The following EGFR variants were observed in gnomAD, a reference collection of about 807,000 sequenced individuals.
EGFR encodes avian erythroblastic leukemia viral (v-erb-b) oncogene homolog.
Under a neutral mutation model 143.0 loss-of-function variants are expected in EGFR, and 58 were observed. That is an observed-to-expected ratio of 0.41 (90% CI 0.33 to 0.50). The LOEUF (loss-of-function observed/expected upper bound fraction) is 0.50. Ranked by LOEUF, EGFR falls within the 20% of genes least tolerant of loss-of-function variation. The pLI is 0.39. For synonymous variants in EGFR, 613 were observed against 594.4 expected (o/e 1.03, Z -0.45); for missense variants, 1,307 against 1,579.0 (o/e 0.83, Z 2.92).
intron 1 of EGFR, among the ~76,000 whole-genome samples, chr7:55,110,775 G>A (rs988698602): frequency 1.3e-5 from 2 of 152,068 alleles, no homozygotes; most frequent in East Asian, 1.9e-4. Context: ...CTTGCCATTC[G>A]CTGGCCATTA....
chr7:55,087,864 C>T (rs1790858903), intron 1 of EGFR, among the ~76,000 whole-genome samples: 2 of 152,212 alleles, frequency 1.3e-5, no homozygotes, highest in South Asian at 4.1e-4. Context: ...TCGTCCTCTC[C>T]TCTTCTCCTT....
At chr7:55,131,133 C>G (rs1024961231) in intron 1 of EGFR, among the ~76,000 whole-genome samples, 3 of 152,110 alleles carry the variant, frequency 2.0e-5, no homozygotes, top group Non-Finnish European at 2.9e-5. Context: ...AAAACAGACC[C>G]AACATGATTA....
intron 1 of EGFR, among the ~76,000 whole-genome samples, chr7:55,048,780 T>G (rs1009008885): frequency 6.6e-6 from 1 of 152,214 alleles, no homozygotes; most frequent in Non-Finnish European, 1.5e-5. Context: ...CACGGCTAGA[T>G]AAAATACAGT....
chr7:55,146,862 A>G, intron 4 of EGFR, 122 bp downstream of exon 4: 1 of 1,380,528 alleles, frequency 7.2e-7, no homozygotes, highest in Non-Finnish European at 1.0e-6. Context: ...AAAAGTAGTA[A>G]GCAAAATATC....
intron 21 of EGFR, among the ~76,000 whole-genome samples, chr7:55,192,124 T>C (rs1787422916): frequency 1.3e-5 from 2 of 152,030 alleles, no homozygotes; most frequent in Admixed American, 6.6e-5. Flanking sequence ...CATTAGCAAA[T>C]GTTAGGTTTC....
In EGFR at chr7:55,022,799, CA is replaced by C. The variant is rs549305346; in HGVS notation, c.88+3439del. On this transcript the variant is annotated intron_variant, in intron 1 of 27. Transcript: ENST00000275493. Reference sequence around the variant, plus strand: ...TTTAGTTTCATAACTCATGATTTTTCAAAAACTTCTGGTTTGAAGACACCGA... The same window carrying C: ...TTTAGTTTCATAACTCATGATTTTTCAAAACTTCTGGTTTGAAGACACCGA... Among the ~76,000 whole-genome samples the C allele has an allele frequency of 1.4e-3, 216 of 152,280 alleles. 1 individual carries two copies. The highest frequency in any genetic ancestry group is 1.9e-3 in the South Asian group (9 of 4,822).
intron 1 of EGFR, among the ~76,000 whole-genome samples, chr7:55,074,326 G>A (rs1427525098): frequency 6.6e-6 from 1 of 152,236 alleles, no homozygotes; most frequent in Non-Finnish European, 1.5e-5. Flanking sequence ...TTTCCCTCCT[G>A]GTTGAGCAGC....
intron 1 of EGFR, among the ~76,000 whole-genome samples, chr7:55,090,700 G>A (rs945200895): frequency 5.9e-5 from 9 of 152,184 alleles, no homozygotes; most frequent in Non-Finnish European, 1.0e-4. Flanking sequence ...GGCCAGGCTT[G>A]TCTGTTGAGA....
At chr7:55,064,517 C>A (rs959083070) in intron 1 of EGFR, among the ~76,000 whole-genome samples, 4 of 152,178 alleles carry the variant, frequency 2.6e-5, no homozygotes, top group Admixed American at 1.3e-4. Flanking sequence ...TCATGCAAAC[C>A]AAACAGAGAT....
intron 13 of EGFR, among the ~76,000 whole-genome samples, chr7:55,162,307 A>G (rs1236732451): frequency 6.6e-6 from 1 of 152,266 alleles, no homozygotes; most frequent in Non-Finnish European, 1.5e-5. Context: ...TTAAAGAAAA[A>G]GGGAAATTTG....
chr7:55,133,301 C>T (rs1793958588), intron 1 of EGFR, among the ~76,000 whole-genome samples: 1 of 152,180 alleles, frequency 6.6e-6, no homozygotes, highest in Non-Finnish European at 1.5e-5. Flanking sequence ...GAGTGAGCTG[C>T]CCAGTGAGCC....
chr7:55,098,800 C>T (rs1178718360), intron 1 of EGFR, among the ~76,000 whole-genome samples: 2 of 152,236 alleles, frequency 1.3e-5, no homozygotes, highest in African/African-American at 4.8e-5. Flanking sequence ...CAGTTTCCTC[C>T]ACTTGTTAAA....
chr7:55,195,377 G>A (rs1449516457), intron 22 of EGFR, among the ~76,000 whole-genome samples: 1 of 152,058 alleles, frequency 6.6e-6, no homozygotes, highest in Non-Finnish European at 1.5e-5. Context: ...AAAAAACACT[G>A]GTTCTAAAAT....
At chr7:55,172,691 T>A (rs1444017406) in intron 16 of EGFR, among the ~76,000 whole-genome samples, 1 of 152,252 alleles carries the variant, frequency 6.6e-6, no homozygotes, top group Non-Finnish European at 1.5e-5. Flanking sequence ...AATCATATTT[T>A]GTTAATCAAC....
At chr7:55,190,130 C>G (rs533403165) in intron 20 of EGFR, among the ~76,000 whole-genome samples, 16 of 152,228 alleles carry the variant, frequency 1.1e-4, no homozygotes, top group African/African-American at 2.6e-4. Context: ...TTCTGCCCCC[C>G]CTCTCCTCTC....
intron 1 of EGFR, among the ~76,000 whole-genome samples, chr7:55,124,214 TA>T (rs1793384566): frequency 6.6e-6 from 1 of 152,242 alleles, no homozygotes; most frequent in Non-Finnish European, 1.5e-5. Flanking sequence ...AAAATGTCCC[TA>T]TGACATTCCA....
At chr7:55,178,311 T>C (rs1377683899) in intron 19 of EGFR, among the ~76,000 whole-genome samples, 3 of 152,198 alleles carry the variant, frequency 2.0e-5, no homozygotes, top group African/African-American at 7.2e-5. Context: ...GCGTATTAAA[T>C]TTTCATAGGC....
rs2041648 is a variant in EGFR, at chr7:55,051,680, C to G, written c.88+32315C>G. ...AATCTTCTTTCATCAAGTTAGGGTA[C>G]CAACCTTTAAAGACTGCCAGTCCAA... On this transcript the variant is annotated intron_variant, in intron 1 of 27. Transcript: ENST00000275493. Among the ~76,000 whole-genome samples the G allele has an allele frequency of 1.4e-3, 210 of 152,290 alleles. 2 individuals carry two copies. The highest frequency in any genetic ancestry group is 4.8e-3 in the African/African-American group (200 of 41,556).
intron 1 of EGFR, among the ~76,000 whole-genome samples, chr7:55,119,745 C>G (rs1424527523): frequency 3.9e-5 from 6 of 152,188 alleles, no homozygotes; most frequent in African/African-American, 1.2e-4. Context: ...TGCCCTGGTT[C>G]ACCTCTCCTC....
Sources: allele counts gnomAD v4.1 joint callset (sites outside exome capture counted in the v4.1 genomes callset), GRCh38; gene constraint gnomAD v4.1.1; transcripts MANE v1.5; gene names NCBI Gene and HGNC (gene_info 2026-07-23, HGNC 2026-07-21).